Variants in HENMT1 observed in about 807,000 individuals in gnomAD.
The protein encoded by HENMT1 is HEN methyltransferase 1.
In HENMT1, 27 loss-of-function variants were observed where a neutral mutation model predicts 31.1. That is an observed-to-expected ratio of 0.87 (90% CI 0.64 to 1.20). The LOEUF (loss-of-function observed/expected upper bound fraction) is 1.20, where lower values mean the gene tolerates loss of function less well. Ranked by LOEUF, HENMT1 falls within the 50% of genes most tolerant of loss-of-function variation. HENMT1 has a pLI of 0.00. For missense variants in HENMT1, 438 were observed against 469.6 expected (o/e 0.93, Z 0.62); for synonymous variants, 167 against 172.2 (o/e 0.97, Z 0.24).
rs372746464 is a variant in HENMT1 at position 108,651,009 on chromosome 1, C to G, written c.578+21G>C. 1.9e-6 allele frequency: 3 copies of G among 1,577,518 alleles called. No individual in the cohort carries two copies. The African/African-American group carries it at 4.1e-5, about 21-fold the overall frequency. On this transcript the variant is annotated intron_variant, in intron 6 of 7. Transcript: ENST00000651461. ...AAACTCCAACAGGATCCCAAATAAA[C>G]AAAAACCCTTCTGAACTTACCAGGT...
At chr1:108,649,465 A>C in intron 7 of HENMT1, 1 of 441,794 alleles carries the variant, frequency 2.3e-6, no homozygotes, top group South Asian at 1.6e-5. Flanking sequence ...ACAAAACAAA[A>C]AAAAGCTGAG....
chr1:108,650,134 G>A (rs2100995376), intron 7 of HENMT1, 77 bp downstream of exon 7: 1 of 1,280,636 alleles, frequency 7.8e-7, no homozygotes, highest in Non-Finnish European at 1.1e-6. Context: ...TCTACTTTGG[G>A]GATTCTTACT....
rs765653340 is a variant in HENMT1, at chr1:108,657,578, C to T, written c.23G>A (p.Cys8Tyr). ...AAAATTACCGTCAACCACACTACTG[C>T]ACTGAAGTTCACAAACAAAAAAAGA... The part of the protein sequence containing the change: MEENNLQ[C>Y]SSVVDGNFEE... Residue 8 changes from cysteine to tyrosine, a missense_variant and splice_region_variant, in exon 3 of 8, where the codon TGC (cysteine) becomes TAC (tyrosine). By Grantham distance (194) the Cys-to-Tyr change is radical (BLOSUM62 -2). Coordinates refer to ENST00000651461, the MANE Select transcript of HENMT1 (RefSeq NM_001102592.2). 5.6e-6 allele frequency: 9 copies of T among 1,609,984 alleles called. No individual in the cohort carries two copies. The Admixed American group carries it at 6.8e-5, about 12-fold the overall frequency.
At chr1:108,649,439 GA>G (rs767222992) in intron 7 of HENMT1, 1 of 412,200 alleles carries the variant, frequency 2.4e-6, no homozygotes, top group Non-Finnish European at 4.8e-6. Context: ...TGTCTCTACG[GA>G]AAAAAAAACA....
chr1:108,649,059 T>A, intron 7 of HENMT1, 68 bp from the exon 8 acceptor site: 1 of 1,321,852 alleles, frequency 7.6e-7, no homozygotes, highest in Non-Finnish European at 1.0e-6. Flanking sequence ...TTCAAAGCCA[T>A]CAATAACTTT....
Position 108,659,906 on chromosome 1 carries a change from A to G in HENMT1, c.-22T>C. ...CCATTTTGTTTCGAAGTTTTGTTGA[A>G]ACAAAAATGAAGATTTATCCTTCAA... On this transcript the variant is annotated 5_prime_UTR_variant, in exon 2 of 8. Coordinates refer to ENST00000651461, the MANE Select transcript of HENMT1 (RefSeq NM_001102592.2). 6.3e-7 allele frequency: 1 copy of G among 1,599,042 alleles called. No individual in the cohort carries two copies. The highest frequency in any genetic ancestry group is 8.5e-7 in the Non-Finnish European group (1 of 1,173,510).
In HENMT1 at chr1:108,654,793, G is replaced by A. The variant is rs140774237; in HGVS notation, c.321C>T (p.Thr107=). ...DFLKPRDLNL[T]ITLYHGSVVE... is the part of the protein sequence containing the mutation. ...CAACGGAGCCATGATACAATGTGAT[G>A]GTCAAATTCAGATCCCGAGGTTTCA... is the stretch of plus-strand genomic sequence containing the variant. The change falls in exon 5 of 8, where the codon ACC becomes ACT. Residue 107 remains threonine, a synonymous_variant. Coordinates refer to ENST00000651461, the MANE Select transcript of HENMT1 (RefSeq NM_001102592.2). The A allele has an allele frequency of 8.7e-5, 141 of 1,613,970 alleles. 1 individual carries two copies. In the African/African-American group the frequency reaches 1.7e-3, roughly 19 times the overall value.
chr1:108,649,422 G>A, intron 7 of HENMT1: 1 of 455,946 alleles, frequency 2.2e-6, no homozygotes, highest in South Asian at 1.6e-5. Context: ...GCAACATAGT[G>A]AGACCCTGTC....
chr1:108,654,888 T>G, intron 4 of HENMT1, 38 bp from the exon 5 acceptor site: 1 of 1,607,128 alleles, frequency 6.2e-7, no homozygotes, highest in Non-Finnish European at 8.5e-7. Context: ...CTGAACATTA[T>G]CTATTTAAAA....
Position 108,659,869 on chromosome 1 carries a change from GATT to G in HENMT1, c.13_15del (p.Asn5del), listed in dbSNP as rs750529364. ...GCTAAGAAGGGTGGCATTACCTGTA[GATT>G]ATTTTCTTCCATTTTGTTTCGAAGT... is the stretch of plus-strand genomic sequence containing the variant. On this transcript the variant is annotated inframe_deletion, in exon 2 of 8. Transcript: ENST00000651461. 3 of 1,575,662 alleles carry G rather than the reference GATT, an allele frequency of 1.9e-6. No individual in the cohort carries two copies. Among genetic ancestry groups the G allele is most frequent in the African/African-American group, 1.4e-5 (1 of 73,300 alleles).
rs1196855342 is a variant in HENMT1, at chr1:108,651,939, G to A, written c.399-730C>T. ...CTCCCTGATATAATGCATCAAGGAGGACAAAATCACTTCTATGATATTCTT... is the reference window on the plus strand; with the variant it reads ...CTCCCTGATATAATGCATCAAGGAGAACAAAATCACTTCTATGATATTCTT... On this transcript the variant is annotated intron_variant, in intron 5 of 7. Coordinates refer to ENST00000651461, the MANE Select transcript of HENMT1 (RefSeq NM_001102592.2). Among the ~76,000 whole-genome samples, 3 of 152,060 alleles carry A rather than the reference G, an allele frequency of 2.0e-5. No individual in the cohort carries two copies. In the East Asian group the frequency reaches 5.8e-4, roughly 29 times the overall value.
intron 7 of HENMT1, among the ~76,000 whole-genome samples, chr1:108,649,627 A>C (rs1282336173): frequency 6.6e-6 from 1 of 152,070 alleles, no homozygotes; most frequent in Non-Finnish European, 1.5e-5. Context: ...AATTAAATAA[A>C]ATTTTTAAAG....
At chr1:108,651,453 C>T (rs1570632294) in intron 5 of HENMT1, 4 of 394,824 alleles carry the variant, frequency 1.0e-5, no homozygotes, top group Admixed American at 4.2e-5. Flanking sequence ...AAGACCAGCC[C>T]GGCCAACATG....
intron 3 of HENMT1, 148 bp downstream of exon 3, chr1:108,657,303 G>A: frequency 1.8e-6 from 1 of 554,138 alleles, no homozygotes; most frequent in Non-Finnish European, 3.2e-6. Flanking sequence ...TAACTCTTGA[G>A]ACACCTGCAG....
intron 3 of HENMT1, among the ~76,000 whole-genome samples, 198 bp downstream of exon 3, chr1:108,657,253 C>T (rs1658273215): frequency 6.6e-6 from 1 of 152,188 alleles, no homozygotes; most frequent in Non-Finnish European, 1.5e-5. Flanking sequence ...TAGTTTCTAG[C>T]TTTGTTCACT....
At chr1:108,659,357 C>G (rs967296009) in intron 2 of HENMT1, among the ~76,000 whole-genome samples, 1 of 151,906 alleles carries the variant, frequency 6.6e-6, no homozygotes, top group Non-Finnish European at 1.5e-5. Flanking sequence ...GAGCAAGACC[C>G]TGTCTTAAAA....
At position 108,661,062 on chromosome 1, in the gene HENMT1, A is replaced by G; in HGVS notation, c.-178T>C. 1.8e-5 allele frequency: 17 copies of G among 946,186 alleles called. No homozygotes were observed. The highest frequency in any genetic ancestry group is 2.0e-5 in the Non-Finnish European group (16 of 794,378). 58.6% of individuals were successfully genotyped at this position (946,186 alleles called of 1,614,324 possible). A position where few individuals can be genotyped will look rare whatever the true frequency, so the allele number is the denominator to read the frequency against. On this transcript the variant is annotated 5_prime_UTR_variant, in exon 1 of 8. Coordinates refer to ENST00000651461, the MANE Select transcript of HENMT1 (RefSeq NM_001102592.2). ...AAACAAAGCTCGTCGCGGAGCCGCCAGCGTCCTCAACTCAGCGCCGCCCTG... is the reference window on the plus strand; with the variant it reads ...AAACAAAGCTCGTCGCGGAGCCGCCGGCGTCCTCAACTCAGCGCCGCCCTG...
At chr1:108,654,872 A>C in intron 4 of HENMT1, 22 bp from the exon 5 acceptor site, 4 of 1,612,698 alleles carry the variant, frequency 2.5e-6, no homozygotes, top group Non-Finnish European at 3.4e-6. Flanking sequence ...TTATTGAAGA[A>C]ACTTTCTGAA....
Position 108,654,776 on chromosome 1 carries a change from C to T in HENMT1, c.338G>A (p.Gly113Asp). Residue 113 changes from glycine (G) to aspartate (D), a missense_variant, in exon 5 of 8, where the codon GGC (glycine) becomes GAC (aspartate). Physicochemically the swap from Gly to Asp is moderately conservative, Grantham distance 94. Transcript: ENST00000651461. Reference sequence around the variant, plus strand: ...ACGAGAGTCTCTCTCCACAACGGAGCCATGATACAATGTGATGGTCAAATT... The same window carrying T: ...ACGAGAGTCTCTCTCCACAACGGAGTCATGATACAATGTGATGGTCAAATT... ...DLNLTITLYH[G>D]SVVERDSRLL... 1 of 1,614,074 alleles carries T rather than the reference C, an allele frequency of 6.2e-7. No individual in the cohort carries two copies.
Sources: allele counts gnomAD v4.1 joint callset (sites outside exome capture counted in the v4.1 genomes callset), GRCh38; gene constraint gnomAD v4.1.1; transcripts MANE v1.5; gene names NCBI Gene and HGNC (gene_info 2026-07-23, HGNC 2026-07-21).